Variants in HMX1 observed in about 807,000 individuals in gnomAD.
The protein encoded by HMX1 is homeobox protein HMX1.
HMX1 carries 8 observed loss-of-function variants against 8.9 expected under a neutral mutation model. The ratio of observed to expected loss-of-function variants is 0.90; its 90% CI spans 0.53 to 1.63. The LOEUF (loss-of-function observed/expected upper bound fraction) is 1.63. HMX1 is among the 40% of genes most tolerant of loss of function. The pLI is 0.00. For missense variants in HMX1, 621 were observed against 558.5 expected (o/e 1.11, Z -1.13); for synonymous variants, 311 against 283.4 (o/e 1.10, Z -0.98).
intron 1 of HMX1, among the ~76,000 whole-genome samples, chr4:8,846,877 T>G (rs527427174): frequency 6.6e-6 from 1 of 151,962 alleles, no homozygotes; most frequent in Non-Finnish European, 1.5e-5. Context: ...TAATTGGCCC[T>G]TCCCCTGATC....
intron 1 of HMX1, among the ~76,000 whole-genome samples, chr4:8,861,046 G>T (rs950420537): frequency 2.0e-5 from 3 of 152,074 alleles, no homozygotes; most frequent in Non-Finnish European, 2.9e-5. Context: ...GGAAGGTCCC[G>T]GGCGGCCGGA....
Position 8,853,726 on chromosome 4 carries a change from C to T in HMX1, c.395-7402G>A, listed in dbSNP as rs574037935. 4.0e-5 allele frequency among the ~76,000 whole-genome samples: 6 copies of T among 151,852 alleles called. No individual in the cohort carries two copies. Among genetic ancestry groups the T allele is most frequent in the Non-Finnish European group, 8.8e-5 (6 of 67,976 alleles). On this transcript the variant is annotated intron_variant, in intron 1 of 1. Coordinates refer to the HMX1 transcript ENST00000506970. The surrounding 1 kb of genome is among the most constrained non-coding windows in gnomAD (Gnocchi z 4.7). ...AATTAGCTGGGTGTGGTGGTGGGCC[C>T]CTGTAATCTCAGCTACTCGGGGAGG...
chr4:8,853,868 C>T lies in HMX1; in HGVS notation c.395-7544G>A, dbSNP rs766158247. ...AATTCCATCTCAAAAAAAAGGGGGG[C>T]GGGGGAAGAATGGATCCCCCTTTCC... On this transcript the variant is annotated intron_variant, in intron 1 of 1. Transcript: ENST00000506970. This position sits in a 1 kb window ranked among gnomAD's most constrained non-coding sequence, Gnocchi z 4.7. 7.9e-5 allele frequency among the ~76,000 whole-genome samples: 12 copies of T among 151,850 alleles called. No homozygotes were observed. The highest frequency in any genetic ancestry group is 2.1e-4 in the South Asian group (1 of 4,806).
chr4:8,859,977 C>CGTG (rs1027863311), intron 1 of HMX1, among the ~76,000 whole-genome samples: 1 of 152,246 alleles, frequency 6.6e-6, no homozygotes, highest in African/African-American at 2.4e-5. Flanking sequence ...CACAACTGCC[C>CGTG]GTGGTGGGAG....
At chr4:8,863,826 C>T (rs1332322740), downstream of HMX1, among the ~76,000 whole-genome samples, 1 of 152,242 alleles carries the variant, frequency 6.6e-6, no homozygotes, top group East Asian at 1.9e-4. Context: ...TCCAGTAGCT[C>T]CGATCCCTGT....
At chr4:8,861,429 G>C (rs566743900) in intron 1 of HMX1, among the ~76,000 whole-genome samples, 3 of 152,322 alleles carry the variant, frequency 2.0e-5, no homozygotes, top group East Asian at 3.9e-4. Context: ...ACCCCGACTC[G>C]GGCCGGTCAG....
chr4:8,871,433 C>T lies in HMX1; in HGVS notation c.182G>A (p.Arg61Gln), dbSNP rs1722217896. Reference sequence around the variant, plus strand: ...TCGCCGCCGCTGTAGCCGTCGCCGCCGCGCCTGCTCGGCGTCCTCGTCTTC... The same window carrying T: ...TCGCCGCCGCTGTAGCCGTCGCCGCTGCGCCTGCTCGGCGTCCTCGTCTTC... ...DPEDEDAEQA[R>Q]RRRLQRRRQL... The change falls in exon 1 of 2, where the codon CGG becomes CAG. Residue 61 changes from arginine (R) to glutamine (Q), a missense_variant. Arg to Gln is a conservative substitution (Grantham distance 43). Coordinates refer to ENST00000400677, the MANE Select transcript of HMX1 (RefSeq NM_018942.3). The surrounding 1 kb of genome is among the most constrained non-coding windows in gnomAD (Gnocchi z 4.8). 7.6e-6 allele frequency: 10 copies of T among 1,320,198 alleles called. No homozygotes were observed. Among genetic ancestry groups the T allele is most frequent in the Admixed American group, 3.4e-5 (1 of 29,850 alleles). 81.8% of individuals were successfully genotyped at this position (1,320,198 alleles called of 1,614,324 possible). A position where few individuals can be genotyped will look rare whatever the true frequency, so the allele number is the denominator to read the frequency against.
chr4:8,869,212 T>G (rs1722131060), intron 1 of HMX1, among the ~76,000 whole-genome samples: 1 of 152,042 alleles, frequency 6.6e-6, no homozygotes. Flanking sequence ...AGTACCAAGC[T>G]CCCCTACTCA....
At chr4:8,864,228 G>A (rs375149542), downstream of HMX1, among the ~76,000 whole-genome samples, 3 of 152,328 alleles carry the variant, frequency 2.0e-5, no homozygotes, top group East Asian at 5.8e-4. Flanking sequence ...GGTGTGCGGT[G>A]GGGAAACGGA....
downstream of HMX1, among the ~76,000 whole-genome samples, chr4:8,862,096 C>G (rs1000336046): frequency 1.3e-5 from 2 of 152,236 alleles, no homozygotes; most frequent in Non-Finnish European, 2.9e-5. Flanking sequence ...GGTGGGGGAA[C>G]CCGGAGGGGG....
chr4:8,865,168 G>A (rs2109469734), downstream of HMX1, among the ~76,000 whole-genome samples: 1 of 152,322 alleles, frequency 6.6e-6, no homozygotes, highest in Non-Finnish European at 1.5e-5. Flanking sequence ...AAGGGGATTC[G>A]CCTGAGGACC....
At chr4:8,862,039 T>C (rs1014329092) in intron 1 of HMX1, among the ~76,000 whole-genome samples, 1 of 152,140 alleles carries the variant, frequency 6.6e-6, no homozygotes, top group Admixed American at 6.5e-5. Flanking sequence ...CTCGACGCGG[T>C]CTGAGGCCTC....
rs1021973297 is a variant in HMX1 at position 8,848,410 on chromosome 4, A to G, written c.395-2086T>C. 6.6e-6 allele frequency among the ~76,000 whole-genome samples: 1 copy of G among 152,228 alleles called. No homozygotes were observed. The highest frequency in any genetic ancestry group is 1.5e-5 in the Non-Finnish European group (1 of 68,040). ...ACAATGCCACCTTGAAGCCTATGAT[A>G]TTTTGATAAAATGGAAATAAAGAGT... On this transcript the variant is annotated intron_variant, in intron 1 of 1. Transcript: ENST00000506970. The surrounding 1 kb of genome is among the most constrained non-coding windows in gnomAD (Gnocchi z 4.1).
intron 1 of HMX1, among the ~76,000 whole-genome samples, chr4:8,846,641 C>G (rs774839504): frequency 6.6e-6 from 1 of 152,196 alleles, no homozygotes; most frequent in Non-Finnish European, 1.5e-5. Flanking sequence ...GAGTCCTGAG[C>G]AGGCCTCCTG....
In HMX1 at chr4:8,847,217, T is replaced by G. The variant is rs1284755426; in HGVS notation, c.395-893A>C. ...ACTTGGGAGGCTGAGTGGGGAGGGTTGAGCCCAGGAGCTCCAGTCCAGCCT... is the reference window on the plus strand; with the variant it reads ...ACTTGGGAGGCTGAGTGGGGAGGGTGGAGCCCAGGAGCTCCAGTCCAGCCT... On this transcript the variant is annotated intron_variant, in intron 1 of 1. Coordinates refer to the HMX1 transcript ENST00000506970. This position sits in a 1 kb window ranked among gnomAD's most constrained non-coding sequence, Gnocchi z 6.0. 1.3e-5 allele frequency among the ~76,000 whole-genome samples: 2 copies of G among 152,154 alleles called. No homozygotes were observed. Among genetic ancestry groups the G allele is most frequent in the African/African-American group, 4.8e-5 (2 of 41,438 alleles).
rs1259799494 is a variant in HMX1, at chr4:8,868,234, G to A, written c.506C>T (p.Ala169Val). 5 of 1,435,510 alleles carry A rather than the reference G, an allele frequency of 3.5e-6. No homozygotes were observed. The highest frequency in any genetic ancestry group is 3.0e-5 in the East Asian group (1 of 33,274). The allele number at this position is 1,435,510 out of a possible 1,614,324, so 88.9% of individuals were successfully genotyped here. A position where few individuals can be genotyped will look rare whatever the true frequency, so the allele number is the denominator to read the frequency against. Residue 169 changes from alanine (A) to valine (V), a missense_variant, in exon 2 of 2, where the codon GCG becomes GTG. Transcript: ENST00000400677. This position sits in a 1 kb window ranked among gnomAD's most constrained non-coding sequence, Gnocchi z 4.6. ...AVQREAAELA[A>V]RGPAAGTEEA... ...CTCCGTGCCGGCCGCCGGGCCACGCGCCGCCAGCTCCGCTGCCTCCCGCTG... is the reference window on the plus strand; with the variant it reads ...CTCCGTGCCGGCCGCCGGGCCACGCACCGCCAGCTCCGCTGCCTCCCGCTG...
downstream of HMX1, among the ~76,000 whole-genome samples, chr4:8,866,602 A>C (rs932276850): frequency 5.3e-5 from 8 of 152,208 alleles, no homozygotes; most frequent in African/African-American, 1.9e-4. Flanking sequence ...GCCGGGAGGA[A>C]GACCCAAGGC....
chr4:8,846,466 A>T (rs1721280624), intron 1 of HMX1: 2 of 626,414 alleles, frequency 3.2e-6, no homozygotes, highest in Non-Finnish European at 5.4e-6. Flanking sequence ...ACAGGGACCT[A>T]GGACTCCCCG....
chr4:8,849,402 G>A lies in HMX1; in HGVS notation c.395-3078C>T, dbSNP rs757868755. ...CAGCGTGAAGCCAAGGAGAAGGCGG[G>A]CACTCAGCTGGCACCACGTGGCCTT... On this transcript the variant is annotated intron_variant, in intron 1 of 1. Coordinates refer to the HMX1 transcript ENST00000506970. This position sits in a 1 kb window ranked among gnomAD's most constrained non-coding sequence, Gnocchi z 6.6. 1.4e-4 allele frequency among the ~76,000 whole-genome samples: 22 copies of A among 151,818 alleles called. No individual in the cohort carries two copies. Among genetic ancestry groups the A allele is most frequent in the Admixed American group, 5.2e-4 (8 of 15,254 alleles).
Sources: allele counts gnomAD v4.1 joint callset (sites outside exome capture counted in the v4.1 genomes callset), GRCh38; gene constraint gnomAD v4.1.1; non-coding constraint Gnocchi (gnomAD v3.1); transcripts MANE v1.5; gene names NCBI Gene and HGNC (gene_info 2026-07-23, HGNC 2026-07-21).